CNBD1: variants seen among roughly 807,000 people sequenced by gnomAD.
CNBD1 encodes cyclic nucleotide-binding domain-containing protein 1.
Under a neutral mutation model 54.4 loss-of-function variants are expected in CNBD1, and 71 were observed. The ratio of observed to expected loss-of-function variants is 1.30; its 90% CI spans 1.08 to 1.59. The LOEUF is 1.59. Among genes scored for constraint, CNBD1 ranks in the 40% most tolerant of loss-of-function variants. The pLI is 0.00. For synonymous variants in CNBD1, 182 were observed against 170.7 expected (o/e 1.07, Z -0.51); for missense variants, 659 against 518.0 (o/e 1.27, Z -2.64).
At chr8:86,902,018 T>C (rs929524343) in intron 2 of CNBD1, among the ~76,000 whole-genome samples, 3 of 152,190 alleles carry the variant, frequency 2.0e-5, no homozygotes, top group African/African-American at 7.2e-5. Flanking sequence ...TTTTCTACTT[T>C]ATATAAGCGT....
chr8:87,140,535 A>AT (rs1469757573), intron 4 of CNBD1, among the ~76,000 whole-genome samples: 1 of 152,180 alleles, frequency 6.6e-6, no homozygotes, highest in East Asian at 1.9e-4. Flanking sequence ...TGGCTTAAGT[A>AT]ATCTGTTAAT....
chr8:87,193,034 A>G (rs546580988), intron 4 of CNBD1, among the ~76,000 whole-genome samples: 4 of 152,198 alleles, frequency 2.6e-5, no homozygotes, highest in African/African-American at 4.8e-5. Flanking sequence ...GGATGGAAGG[A>G]TATGTTTTTA....
intron 2 of CNBD1, among the ~76,000 whole-genome samples, chr8:87,406,082 C>T (rs1193735017): frequency 1.3e-5 from 2 of 151,960 alleles, no homozygotes; most frequent in East Asian, 1.9e-4. Context: ...ACTTTGATTG[C>T]TTATATCATT....
intron 9 of CNBD1, among the ~76,000 whole-genome samples, chr8:87,352,175 C>T: frequency 6.6e-6 from 1 of 152,052 alleles, no homozygotes; most frequent in Non-Finnish European, 1.5e-5. Context: ...CATATGTCTA[C>T]ACGAAGACTT....
At chr8:86,931,761 G>A (rs1048247857) in intron 3 of CNBD1, among the ~76,000 whole-genome samples, 21 of 152,166 alleles carry the variant, frequency 1.4e-4, no homozygotes, top group East Asian at 1.9e-4. Context: ...TGGCTGATTC[G>A]GTAATAAGCT....
At position 87,102,182 on chromosome 8, in the gene CNBD1, C is replaced by T. The variant is rs369400893; in HGVS notation, c.432-103811C>T. Among the ~76,000 whole-genome samples the T allele has an allele frequency of 3.0e-4, 46 of 152,112 alleles. No individual in the cohort carries two copies. In the East Asian group the frequency reaches 3.1e-3, roughly 10 times the overall value. ...GATTACAGGTGTGAACCACTTCGTC[C>T]GGCCCAGAATTTTTTATGTTGATGG... On this transcript the variant is annotated intron_variant, in intron 4 of 10. Coordinates refer to ENST00000518476, the MANE Select transcript of CNBD1 (RefSeq NM_173538.3).
chr8:87,418,897 T>A (rs1407092194), intron 2 of CNBD1, among the ~76,000 whole-genome samples: 2 of 151,896 alleles, frequency 1.3e-5, no homozygotes, highest in Non-Finnish European at 1.5e-5. Context: ...ACTTTGGCAG[T>A]CCTCAAAAAG....
intron 3 of CNBD1, among the ~76,000 whole-genome samples, chr8:86,916,730 A>G (rs1234626254): frequency 2.6e-5 from 4 of 151,530 alleles, no homozygotes; most frequent in Non-Finnish European, 4.4e-5. Flanking sequence ...TTGAAATAGA[A>G]TCTCACTCTG....
At chr8:86,992,944 C>A (rs1278533616) in intron 4 of CNBD1, among the ~76,000 whole-genome samples, 3 of 152,108 alleles carry the variant, frequency 2.0e-5, no homozygotes. Flanking sequence ...TGATAGTCAT[C>A]TTATATAGTA....
At chr8:86,975,008 A>G (rs1808310009) in intron 4 of CNBD1, among the ~76,000 whole-genome samples, 1 of 152,052 alleles carries the variant, frequency 6.6e-6, no homozygotes, top group South Asian at 2.1e-4. Context: ...CTATTGGGAA[A>G]CTCCTTTAGG....
intron 4 of CNBD1, among the ~76,000 whole-genome samples, chr8:87,026,299 C>A (rs1433115895): frequency 6.6e-6 from 1 of 150,652 alleles, no homozygotes; most frequent in Admixed American, 6.6e-5. Context: ...TCCGTTTCTC[C>A]CCTTTTCCTC....
rs1585984558 is a variant in CNBD1, at chr8:87,286,527, A to G, written c.910-12A>G. The G allele has an allele frequency of 7.3e-7, 1 of 1,364,844 alleles. No individual in the cohort carries two copies. Among genetic ancestry groups the G allele is most frequent in the Non-Finnish European group, 1.0e-6 (1 of 985,892 alleles). The allele number at this position is 1,364,844 out of a possible 1,614,324, so 84.5% of individuals were successfully genotyped here. A position where few individuals can be genotyped will look rare whatever the true frequency, so the allele number is the denominator to read the frequency against. ...CTGTTATTAAAAATTTGATAATGAC[A>G]TTCTGTTTTAGGAAAAAATAAAACT... On this transcript the variant is annotated splice_polypyrimidine_tract_variant and intron_variant, in intron 7 of 10. Coordinates refer to ENST00000518476, the MANE Select transcript of CNBD1 (RefSeq NM_173538.3).
intron 2 of CNBD1, among the ~76,000 whole-genome samples, chr8:87,391,899 G>C (rs1339133801): frequency 1.3e-5 from 2 of 152,022 alleles, no homozygotes; most frequent in East Asian, 3.9e-4. Context: ...AAAGTGATGT[G>C]AATCCACAGA....
At chr8:87,378,828 C>A (rs547659620) in intron 10 of CNBD1, among the ~76,000 whole-genome samples, 75 of 149,776 alleles carry the variant, frequency 5.0e-4, no homozygotes, top group Non-Finnish European at 3.3e-4. Flanking sequence ...CTTTTATTTC[C>A]TTGAGCAGTG....
chr8:86,956,018 G>A (rs1284449605), intron 4 of CNBD1, among the ~76,000 whole-genome samples: 1 of 152,246 alleles, frequency 6.6e-6, no homozygotes, highest in East Asian at 1.9e-4. Flanking sequence ...TAAGGTGTAA[G>A]GAAGGGATCC....
chr8:87,348,246 G>T lies in CNBD1; in HGVS notation c.1043-3439G>T, dbSNP rs116401279. On this transcript the variant is annotated intron_variant, in intron 8 of 10. Coordinates refer to ENST00000518476, the MANE Select transcript of CNBD1 (RefSeq NM_173538.3). ...TATCTTTAAGAATTTGCTCTACAGG[G>T]CTATAAATGCTATCTATATTTATCT... Among the ~76,000 whole-genome samples the T allele has an allele frequency of 9.7e-3, 1,468 of 152,038 alleles. 20 individuals are homozygous for T. Among genetic ancestry groups the T allele is most frequent in the African/African-American group, 0.033 (1,349 of 41,478 alleles).
chr8:86,874,243 C>T (rs1808483170), intron 1 of CNBD1, among the ~76,000 whole-genome samples: 1 of 152,130 alleles, frequency 6.6e-6, no homozygotes, highest in Admixed American at 6.5e-5. Flanking sequence ...GGAATAGTTT[C>T]TCAGTTTTCC....
At chr8:86,899,134 C>G (rs556677340) in intron 2 of CNBD1, among the ~76,000 whole-genome samples, 1 of 151,746 alleles carries the variant, frequency 6.6e-6, no homozygotes, top group African/African-American at 2.4e-5. Flanking sequence ...AACGCAAATA[C>G]AGAGATAGAG....
chr8:87,337,189 A>C (rs1809960764), intron 8 of CNBD1, among the ~76,000 whole-genome samples: 1 of 152,076 alleles, frequency 6.6e-6, no homozygotes, highest in South Asian at 2.1e-4. Context: ...GTGGGATGGG[A>C]AGAAGGACCC....
Sources: gnomAD v4.1 joint callset for allele counts (sites outside exome capture counted in the v4.1 genomes callset) on GRCh38, gnomAD v4.1.1 for gene constraint, MANE v1.5 for transcripts, NCBI Gene and HGNC (gene_info 2026-07-23, HGNC 2026-07-21) for gene names.